LDLRAD3: variants seen among roughly 807,000 people sequenced by gnomAD.
LDLRAD3 encodes low density lipoprotein receptor class A domain containing 3, also known as low-density lipoprotein receptor class A domain-containing protein 3.
Under a neutral mutation model 29.4 loss-of-function variants are expected in LDLRAD3, and 20 were observed. That is an observed-to-expected ratio of 0.68 (90% CI 0.48 to 0.99). The LOEUF (loss-of-function observed/expected upper bound fraction) is 0.99. Among genes scored for constraint, LDLRAD3 ranks in the 50% least tolerant of loss-of-function variants. The pLI is 0.00. For missense variants in LDLRAD3, 420 were observed against 454.3 expected (o/e 0.92, Z 0.69); for synonymous variants, 157 against 192.7 (o/e 0.81, Z 1.53).
chr11:36,191,364 C>A (rs1402125915), intron 4 of LDLRAD3, among the ~76,000 whole-genome samples: 1 of 151,796 alleles, frequency 6.6e-6, no homozygotes, highest in Admixed American at 6.6e-5. Context: ...ATACTGAGAC[C>A]CCATATCTAC....
chr11:35,967,075 A>T (rs1432573887), intron 1 of LDLRAD3: 1 of 205,246 alleles, frequency 4.9e-6, no homozygotes, highest in Non-Finnish European at 1.1e-5. Flanking sequence ...CCTACCAGGC[A>T]TTTGGTGTTT....
chr11:36,142,347 C>T (rs1226267171), intron 4 of LDLRAD3, among the ~76,000 whole-genome samples: 4 of 152,194 alleles, frequency 2.6e-5, no homozygotes, highest in African/African-American at 7.2e-5. Flanking sequence ...CCTGTTTGTT[C>T]CTACTCTGTA....
chr11:35,976,869 C>T (rs1470946045), intron 1 of LDLRAD3, among the ~76,000 whole-genome samples: 1 of 152,088 alleles, frequency 6.6e-6, no homozygotes, highest in Non-Finnish European at 1.5e-5. Flanking sequence ...CGTGTGTGTA[C>T]ACACATGTCC....
At chr11:36,209,128 G>A (rs748777002) in intron 4 of LDLRAD3, among the ~76,000 whole-genome samples, 24 of 152,120 alleles carry the variant, frequency 1.6e-4, no homozygotes, top group Non-Finnish European at 2.5e-4. Context: ...ATAACTTCTC[G>A]ATCCTCTTCA....
At chr11:36,155,151 A>ACT (rs1159284440) in intron 4 of LDLRAD3, among the ~76,000 whole-genome samples, 45 of 152,202 alleles carry the variant, frequency 3.0e-4, no homozygotes, top group Non-Finnish European at 5.9e-4. Flanking sequence ...GTCTCCCCAG[A>ACT]GTGGATCACA....
intron 1 of LDLRAD3, among the ~76,000 whole-genome samples, chr11:35,966,548 T>C (rs1851344363): frequency 6.6e-6 from 1 of 152,162 alleles, no homozygotes; most frequent in Non-Finnish European, 1.5e-5. Context: ...AAAGGGAAAT[T>C]GGTGAGGCTT....
At chr11:36,103,893 G>A (rs1853487615) in intron 4 of LDLRAD3, among the ~76,000 whole-genome samples, 1 of 152,180 alleles carries the variant, frequency 6.6e-6, no homozygotes, top group Non-Finnish European at 1.5e-5. Context: ...AAAGCTGAGT[G>A]GTATTCAGGT....
intron 1 of LDLRAD3, among the ~76,000 whole-genome samples, chr11:35,946,690 C>G (rs1032708204): frequency 6.6e-6 from 1 of 152,190 alleles, no homozygotes; most frequent in African/African-American, 2.4e-5. Flanking sequence ...CAGGACTGAC[C>G]TTTGCCTAGA....
At chr11:36,185,053 G>GT (rs1238150129) in intron 4 of LDLRAD3, among the ~76,000 whole-genome samples, 3 of 152,076 alleles carry the variant, frequency 2.0e-5, no homozygotes, top group Admixed American at 2.0e-4. Context: ...CTAGAATTAG[G>GT]TTTTTTCCCC....
chr11:36,013,080 C>G (rs928285914), intron 1 of LDLRAD3, among the ~76,000 whole-genome samples: 6 of 152,204 alleles, frequency 3.9e-5, no homozygotes, highest in Admixed American at 2.6e-4. Context: ...CTTATTTGTA[C>G]AGGCAACCTG....
intron 4 of LDLRAD3, among the ~76,000 whole-genome samples, chr11:36,155,572 G>A (rs188713998): frequency 1.3e-5 from 2 of 152,242 alleles, no homozygotes; most frequent in African/African-American, 4.8e-5. Context: ...GTGGCTTAAT[G>A]TTTCTGAGCC....
At chr11:36,192,065 A>G (rs1854961560) in intron 4 of LDLRAD3, among the ~76,000 whole-genome samples, 1 of 152,206 alleles carries the variant, frequency 6.6e-6, no homozygotes, top group African/African-American at 2.4e-5. Context: ...GCTAACCAAA[A>G]TAGTAGAAAA....
intron 2 of LDLRAD3, among the ~76,000 whole-genome samples, chr11:36,078,294 C>T (rs940963212): frequency 6.6e-6 from 1 of 152,232 alleles, no homozygotes; most frequent in African/African-American, 2.4e-5. Context: ...TGCCTAGGAG[C>T]ATGTCTGCCT....
intron 2 of LDLRAD3, among the ~76,000 whole-genome samples, chr11:36,068,052 T>G (rs1227821672): frequency 6.6e-6 from 1 of 152,184 alleles, no homozygotes; most frequent in Non-Finnish European, 1.5e-5. Flanking sequence ...TTATTGTCTC[T>G]TTTTCGTTCT....
At position 36,036,161 on chromosome 11, in the gene LDLRAD3, C is replaced by G; in HGVS notation, c.105C>G (p.Phe35Leu). The G allele has an allele frequency of 6.2e-7, 1 of 1,614,194 alleles. No homozygotes were observed. Among genetic ancestry groups the G allele is most frequent in the Non-Finnish European group, 8.5e-7 (1 of 1,180,028 alleles). Residue 35 changes from phenylalanine to leucine, a missense_variant, in exon 2 of 6, where the codon TTC (phenylalanine) becomes TTG (leucine). By Grantham distance (22) the Phe-to-Leu change is conservative (BLOSUM62 0). Coordinates refer to ENST00000315571, the MANE Select transcript of LDLRAD3 (RefSeq NM_174902.4). ...ATGAGTGCAACATACCAGGCAACTT[C>G]ATGTGCAGCAATGGACGGTGCATCC... ...FTNECNIPGN[F>L]MCSNGRCIPG...
At position 36,028,366 on chromosome 11, in the gene LDLRAD3, C is replaced by T. The variant is rs114725491; in HGVS notation, c.47-7737C>T. ...GGTGTTGGGAGCAGCCAGTCAACAA[C>T]GGGGCTCATTTCAGAGTGGTGGATG... is the stretch of plus-strand genomic sequence containing the variant. On this transcript the variant is annotated intron_variant, in intron 1 of 5. Transcript: ENST00000315571. 9.4e-3 allele frequency among the ~76,000 whole-genome samples: 1,438 copies of T among 152,264 alleles called. 19 individuals carry two copies. Among genetic ancestry groups the T allele is most frequent in the African/African-American group, 0.032 (1,320 of 41,542 alleles).
intron 4 of LDLRAD3, among the ~76,000 whole-genome samples, chr11:36,159,474 A>T (rs988238783): frequency 7.3e-5 from 11 of 150,864 alleles, no homozygotes; most frequent in African/African-American, 2.4e-4. Flanking sequence ...GTCTCTAAAA[A>T]GAAAAAGGAG....
intron 4 of LDLRAD3, among the ~76,000 whole-genome samples, chr11:36,186,852 C>A (rs1320390487): frequency 1.3e-5 from 2 of 152,160 alleles, no homozygotes; most frequent in African/African-American, 2.4e-5. Context: ...GAAGTCATAG[C>A]CTGTATACTC....
chr11:35,989,850 G>T (rs2133165795), intron 1 of LDLRAD3, among the ~76,000 whole-genome samples: 1 of 152,260 alleles, frequency 6.6e-6, no homozygotes, highest in African/African-American at 2.4e-5. Context: ...TGTCAGTGAA[G>T]AGAGATGGCT....
Sources: gnomAD v4.1 joint callset for allele counts (sites outside exome capture counted in the v4.1 genomes callset) on GRCh38, gnomAD v4.1.1 for gene constraint, MANE v1.5 for transcripts, NCBI Gene and HGNC (gene_info 2026-07-23, HGNC 2026-07-21) for gene names.